Variants in VEPH1 observed in about 807,000 individuals in gnomAD.
VEPH1 encodes the protein ventricular zone-expressed PH domain-containing protein homolog 1.
A neutral mutation model predicts 85.2 loss-of-function variants in VEPH1; 80 were observed. The ratio of observed to expected loss-of-function variants is 0.94; its 90% confidence interval spans 0.78 to 1.13. The LOEUF (loss-of-function observed/expected upper bound fraction) is 1.13. Ranked by LOEUF, VEPH1 falls within the 50% of genes most tolerant of loss-of-function variation. The probability of loss-of-function intolerance (pLI) is 0.00; values close to 1 mark genes in which losing one functional copy is unlikely to be tolerated. For synonymous variants in VEPH1, 297 were observed against 348.0 expected, an observed-to-expected ratio of 0.85 and a Z score of 1.63; for missense variants, 955 against 980.5, an observed-to-expected ratio of 0.97 and a Z score of 0.35.
intron 4 of VEPH1, 66 bp downstream of exon 4, chr3:157,460,115 T>C: frequency 3.7e-6 from 6 of 1,613,708 alleles, no homozygotes; most frequent in Non-Finnish European, 5.1e-6. Context: ...AAACCATAAA[T>C]GCTTGATGAA....
At chr3:157,302,019 C>T (rs1381221642) in intron 11 of VEPH1, among the ~76,000 whole-genome samples, 1 of 152,188 alleles carries the variant, frequency 6.6e-6, no homozygotes, top group Non-Finnish European at 1.5e-5. Flanking sequence ...TGCCCCTCCC[C>T]AGAGCTCATT....
At chr3:157,481,466 A>ACACACACACAC (rs60332684) in intron 2 of VEPH1, among the ~76,000 whole-genome samples, 657 of 47,818 alleles carry the variant, frequency 0.014, 6 homozygotes, top group African/African-American at 0.038. Context: ...ACACACACAC[A>ACACACACACAC]AAAAAAAAAA....
chr3:157,278,631 G>A (rs1375130015), intron 12 of VEPH1, among the ~76,000 whole-genome samples: 1 of 152,216 alleles, frequency 6.6e-6, no homozygotes, highest in Non-Finnish European at 1.5e-5. Flanking sequence ...TCAGTGAGGA[G>A]GCTATGGCCA....
intron 9 of VEPH1, among the ~76,000 whole-genome samples, chr3:157,324,903 G>C (rs1721732206): frequency 6.6e-6 from 1 of 152,108 alleles, no homozygotes; most frequent in Non-Finnish European, 1.5e-5. Context: ...GGTCTTTGAG[G>C]AATTGCCACA....
At chr3:157,502,626 A>G (rs969876152) in intron 1 of VEPH1, among the ~76,000 whole-genome samples, 2 of 152,220 alleles carry the variant, frequency 1.3e-5, no homozygotes, top group African/African-American at 4.8e-5. Context: ...TATCTATATG[A>G]CCAACTCAAA....
chr3:157,279,756 G>A (rs1414724023), intron 12 of VEPH1, among the ~76,000 whole-genome samples: 1 of 152,140 alleles, frequency 6.6e-6, no homozygotes, highest in African/African-American at 2.4e-5. Context: ...GGTGGCTCAC[G>A]CTGGTAATCC....
chr3:157,493,674 T>C lies in VEPH1; in HGVS notation c.138+1538A>G, dbSNP rs190463390. On this transcript the variant is annotated intron_variant, in intron 2 of 13. Transcript: ENST00000362010. ...TTTGGACAGCTTAATGAATGGACGA[T>C]GATCCTAATGACAAGGGACCTGCCA... Among the ~76,000 whole-genome samples the C allele has an allele frequency of 1.2e-3, 185 of 152,272 alleles. 1 individual carries two copies. The highest frequency in any genetic ancestry group is 4.1e-3 in the African/African-American group (172 of 41,546).
chr3:157,490,093 AT>A (rs1739087251), intron 2 of VEPH1, among the ~76,000 whole-genome samples: 1 of 152,078 alleles, frequency 6.6e-6, no homozygotes, highest in Non-Finnish European at 1.5e-5. Context: ...TGTAATGTCT[AT>A]AGATATAAAG....
chr3:157,294,022 T>G lies in VEPH1; in HGVS notation c.2011-7348A>C, dbSNP rs548321976. Among the ~76,000 whole-genome samples the G allele has an allele frequency of 2.0e-5, 3 of 152,274 alleles. No homozygotes were observed. The East Asian group carries it at 5.8e-4, about 29-fold the overall frequency. On this transcript the variant is annotated intron_variant, in intron 11 of 13. Coordinates refer to ENST00000362010, the MANE Select transcript of VEPH1 (RefSeq NM_001167912.2). The stretch of plus-strand genomic sequence containing the variant: ...GTGCAAAGCAAAGAATTGCAGTGAT[T>G]TTTTTTTCTAATTGATTACTGCCAC...
chr3:157,497,167 T>G (rs1739731077), intron 1 of VEPH1, among the ~76,000 whole-genome samples: 1 of 152,180 alleles, frequency 6.6e-6, no homozygotes, highest in African/African-American at 2.4e-5. Context: ...GAGGCTACTG[T>G]TAGGAGTAAA....
intron 11 of VEPH1, among the ~76,000 whole-genome samples, chr3:157,303,860 C>G (rs911831301): frequency 6.6e-6 from 1 of 151,836 alleles, no homozygotes; most frequent in Non-Finnish European, 1.5e-5. Flanking sequence ...AATCCTCCGC[C>G]CCCACTGGGG....
chr3:157,479,377 A>C (rs1252661170), intron 2 of VEPH1, among the ~76,000 whole-genome samples: 1 of 152,122 alleles, frequency 6.6e-6, no homozygotes, highest in Non-Finnish European at 1.5e-5. Flanking sequence ...AAAGCCACAA[A>C]TTGTGCTGCT....
chr3:157,435,828 T>C (rs537614418), intron 4 of VEPH1, among the ~76,000 whole-genome samples: 5 of 152,348 alleles, frequency 3.3e-5, no homozygotes, highest in Non-Finnish European at 7.3e-5. Flanking sequence ...AGTTTACTTT[T>C]AAAACATGAT....
intron 7 of VEPH1, among the ~76,000 whole-genome samples, chr3:157,372,572 T>C (rs545206214): frequency 6.6e-6 from 1 of 152,350 alleles, no homozygotes; most frequent in South Asian, 2.1e-4. Flanking sequence ...TTTCATTTAT[T>C]AAATCTCTTT....
At chr3:157,437,405 G>A in intron 4 of VEPH1, 2 of 1,343,908 alleles carry the variant, frequency 1.5e-6, no homozygotes, top group Non-Finnish European at 1.0e-6. Flanking sequence ...GAAGGGGAAT[G>A]CCAGGAACGG....
chr3:157,430,049 T>C (rs1733026650), intron 4 of VEPH1, among the ~76,000 whole-genome samples: 4 of 152,198 alleles, frequency 2.6e-5, no homozygotes, highest in Admixed American at 2.6e-4. Flanking sequence ...ATACCTTCTT[T>C]TAAATTATGA....
intron 11 of VEPH1, among the ~76,000 whole-genome samples, chr3:157,291,938 T>C (rs1717520153): frequency 6.6e-6 from 1 of 152,162 alleles, no homozygotes; most frequent in Admixed American, 6.5e-5. Context: ...AATCTATCTC[T>C]CTCTCTATAT....
At chr3:157,266,215 T>A (rs1332494124) in intron 12 of VEPH1, among the ~76,000 whole-genome samples, 1 of 151,582 alleles carries the variant, frequency 6.6e-6, no homozygotes, top group Non-Finnish European at 1.5e-5. Context: ...CCAAAAGACA[T>A]GGTTCCTAAA....
intron 5 of VEPH1, among the ~76,000 whole-genome samples, chr3:157,417,249 T>C (rs1379370228): frequency 6.6e-6 from 1 of 152,156 alleles, no homozygotes; most frequent in African/African-American, 2.4e-5. Flanking sequence ...CTTAGGCTGG[T>C]GTCTTCAGTG....
Sources: allele counts gnomAD v4.1 joint callset (sites outside exome capture counted in the v4.1 genomes callset), GRCh38; gene constraint gnomAD v4.1.1; transcripts MANE v1.5; gene names NCBI Gene and HGNC (gene_info 2026-07-23, HGNC 2026-07-21).